The following AQR variants were observed in gnomAD, a reference collection of about 807,000 sequenced individuals.
The protein encoded by AQR is RNA helicase aquarius.
A neutral mutation model predicts 180.5 loss-of-function variants in AQR; 61 were observed. That is an observed-to-expected ratio of 0.34 (90% CI 0.28 to 0.42). AQR has a LOEUF of 0.42. Among genes scored for constraint, AQR ranks in the 10% least tolerant of loss-of-function variants. The pLI, the probability that AQR is intolerant of heterozygous loss-of-function variation, is 1.00. For synonymous variants in AQR, 551 were observed against 588.8 expected (o/e 0.94, Z 0.93); for missense variants, 1,281 against 1,798.3 (o/e 0.71, Z 5.20).
intron 22 of AQR, 33 bp downstream of exon 22, chr15:34,896,864 C>T (rs76215673): frequency 1.1e-5 from 17 of 1,578,524 alleles, no homozygotes; most frequent in Non-Finnish European, 1.5e-5. Flanking sequence ...AACAAACAAA[C>T]AAACAAACAA....
chr15:34,943,332 A>G, intron 6 of AQR: 1 of 1,502,874 alleles, frequency 6.7e-7, no homozygotes. Flanking sequence ...GCTGGCTATT[A>G]AAAGATGCAA....
At chr15:34,886,279 AAAAAAATGTAAAAAGT>A (rs1454440793) in intron 25 of AQR, among the ~76,000 whole-genome samples, 3 of 152,198 alleles carry the variant, frequency 2.0e-5, no homozygotes, top group African/African-American at 7.2e-5. Context: ...CAATAGAAAG[AAAAAAATGTAAAAAGT>A]AGCAACATTG....
chr15:34,906,460 T>G, intron 18 of AQR, 85 bp downstream of exon 18: 1 of 1,507,338 alleles, frequency 6.6e-7, no homozygotes, highest in South Asian at 1.3e-5. Context: ...AACTAAAAAA[T>G]ATTACCTAAG....
chr15:34,898,871 G>GACTCCATCTCAAAAACAAAAAAAAAATCC, intron 20 of AQR, among the ~76,000 whole-genome samples: 1 of 144,740 alleles, frequency 6.9e-6, no homozygotes, highest in South Asian at 2.2e-4. Context: ...GTGACAGAGC[G>GACTCCATCTCAAAAACAAAAAAAAAATCC]AAAAAACTAT....
chr15:34,885,311 C>A (rs945122915), intron 25 of AQR, among the ~76,000 whole-genome samples: 23 of 152,250 alleles, frequency 1.5e-4, no homozygotes, highest in East Asian at 1.3e-3. Context: ...TATGCGTCTA[C>A]CAGCCAGTTA....
intron 15 of AQR, among the ~76,000 whole-genome samples, chr15:34,916,562 A>T (rs916024319): frequency 2.6e-5 from 4 of 152,094 alleles, no homozygotes; most frequent in South Asian, 2.1e-4. Context: ...ATTTTTATTT[A>T]AAAAAATGAC....
intron 23 of AQR, among the ~76,000 whole-genome samples, chr15:34,891,887 A>G (rs1230688867): frequency 6.6e-6 from 1 of 152,142 alleles, no homozygotes; most frequent in Non-Finnish European, 1.5e-5. Flanking sequence ...TGTATAACAT[A>G]TATTCAGTAT....
intron 27 of AQR, among the ~76,000 whole-genome samples, chr15:34,881,871 T>A (rs1403832867): frequency 6.6e-6 from 1 of 152,186 alleles, no homozygotes; most frequent in African/African-American, 2.4e-5. Flanking sequence ...AGGGGCACAA[T>A]CTCGGCTCAC....
intron 33 of AQR, among the ~76,000 whole-genome samples, chr15:34,861,584 C>T (rs147163908): frequency 1.6e-4 from 25 of 152,286 alleles, no homozygotes; most frequent in African/African-American, 2.9e-4. Flanking sequence ...ATAGAAAGCA[C>T]GTGGGGAGCT....
chr15:34,937,818 A>G (rs1893966888), intron 9 of AQR, among the ~76,000 whole-genome samples: 2 of 152,058 alleles, frequency 1.3e-5, no homozygotes, highest in Admixed American at 6.6e-5. Context: ...CAGGAGACGG[A>G]GGTTGCAGTG....
At chr15:34,963,595 T>C (rs1267758086) in intron 2 of AQR, among the ~76,000 whole-genome samples, 2 of 152,076 alleles carry the variant, frequency 1.3e-5, no homozygotes, top group South Asian at 4.1e-4. Context: ...TTTATAATAA[T>C]GATAAATTAA....
Position 34,954,186 on chromosome 15 carries a change from GGATTACAGGC to G in AQR, c.174-1276_174-1267del, listed in dbSNP as rs546642317. Among the ~76,000 whole-genome samples, 421 of 152,160 alleles carry G rather than the reference GGATTACAGGC, an allele frequency of 2.8e-3. 1 individual carries two copies. Among genetic ancestry groups the G allele is most frequent in the African/African-American group, 9.6e-3 (399 of 41,530 alleles). On this transcript the variant is annotated intron_variant, in intron 3 of 34. Coordinates refer to ENST00000156471, the MANE Select transcript of AQR (RefSeq NM_014691.3). Reference sequence around the variant, plus strand: ...CCCACCTCAGCCTCCAAAAATGCTAGGATTACAGGCGTGAGCTACCACACCTGACGTCTTT... The same window carrying G: ...CCCACCTCAGCCTCCAAAAATGCTAGGTGAGCTACCACACCTGACGTCTTT...
At chr15:34,870,615 A>G (rs1308078708) in intron 31 of AQR, 137 bp downstream of exon 31, 3 of 650,540 alleles carry the variant, frequency 4.6e-6, no homozygotes, top group Admixed American at 6.8e-5. Flanking sequence ...ACTGTCAGAG[A>G]GTTATTTATA....
intron 4 of AQR, among the ~76,000 whole-genome samples, chr15:34,951,606 G>C (rs532118915): frequency 1.2e-3 from 176 of 151,700 alleles, no homozygotes; most frequent in Admixed American, 1.8e-3. Flanking sequence ...GGGAAGTGGA[G>C]GTTGCAGTGA....
intron 24 of AQR, among the ~76,000 whole-genome samples, 173 bp from the exon 25 acceptor site, chr15:34,886,834 T>C (rs1269170063): frequency 2.0e-5 from 3 of 151,656 alleles, no homozygotes; most frequent in Non-Finnish European, 2.9e-5. Flanking sequence ...CAAAAGCTAC[T>C]TAAAGTAGGT....
chr15:34,876,409 T>C (rs1892890064), intron 27 of AQR, among the ~76,000 whole-genome samples: 1 of 152,140 alleles, frequency 6.6e-6, no homozygotes, highest in Admixed American at 6.5e-5. Flanking sequence ...TGGGATAATT[T>C]TTTTTCCTAT....
chr15:34,929,109 G>A (rs1893809724), intron 12 of AQR, among the ~76,000 whole-genome samples: 1 of 152,122 alleles, frequency 6.6e-6, no homozygotes, highest in African/African-American at 2.4e-5. Flanking sequence ...TAGATGGGTA[G>A]ATTGAAAAAA....
chr15:34,917,759 G>C (rs960434427), intron 15 of AQR, among the ~76,000 whole-genome samples: 5 of 150,450 alleles, frequency 3.3e-5, no homozygotes, highest in Admixed American at 3.3e-4. Flanking sequence ...GAGGTGGGCA[G>C]ATCGCTTGAG....
chr15:34,959,624 T>C (rs1436224799), intron 3 of AQR, among the ~76,000 whole-genome samples: 3 of 152,254 alleles, frequency 2.0e-5, no homozygotes, highest in African/African-American at 7.2e-5. Flanking sequence ...AAGTCAGTAA[T>C]GGCATCACTA....
Sources: gnomAD v4.1 joint callset for allele counts (sites outside exome capture counted in the v4.1 genomes callset) on GRCh38, gnomAD v4.1.1 for gene constraint, MANE v1.5 for transcripts, NCBI Gene and HGNC (gene_info 2026-07-23, HGNC 2026-07-21) for gene names.